GXYLT2: variants seen among roughly 807,000 people sequenced by gnomAD.
The protein encoded by GXYLT2 is glycosyltransferase 8 domain containing 4.
In GXYLT2, 53 loss-of-function variants were observed where a neutral mutation model predicts 45.8. The ratio of observed to expected loss-of-function variants is 1.16; its 90% CI spans 0.93 to 1.46. GXYLT2 has a LOEUF of 1.46. GXYLT2 is among the 40% of genes most tolerant of loss of function. The pLI is 0.00. For missense variants in GXYLT2, 551 were observed against 544.4 expected, an observed-to-expected ratio of 1.01 and a Z score of -0.12; for synonymous variants, 219 against 214.2, an observed-to-expected ratio of 1.02 and a Z score of -0.19.
intron 5 of GXYLT2, among the ~76,000 whole-genome samples, chr3:72,967,179 C>T (rs1198680920): frequency 6.6e-6 from 1 of 152,178 alleles, no homozygotes; most frequent in African/African-American, 2.4e-5. Context: ...TTGTATTATT[C>T]CCATTTACAG....
At chr3:72,938,117 A>C (rs1247639736) in intron 3 of GXYLT2, among the ~76,000 whole-genome samples, 3 of 152,192 alleles carry the variant, frequency 2.0e-5, no homozygotes, top group Admixed American at 6.6e-5. Context: ...AAAAAAAGAA[A>C]AAAATGTAAA....
chr3:72,899,231 G>A (rs562043478), intron 1 of GXYLT2, among the ~76,000 whole-genome samples: 1 of 152,186 alleles, frequency 6.6e-6, no homozygotes, highest in Admixed American at 6.5e-5. Context: ...CCAACTTTAG[G>A]CTCTGAACAC....
chr3:72,897,859 T>C (rs976469221), intron 1 of GXYLT2, among the ~76,000 whole-genome samples: 5 of 152,244 alleles, frequency 3.3e-5, no homozygotes, highest in Admixed American at 2.6e-4. Context: ...TTGAACCATT[T>C]GATAGCTTTC....
chr3:72,911,956 G>GGTGT (rs371032663), intron 2 of GXYLT2, among the ~76,000 whole-genome samples: 2 of 136,402 alleles, frequency 1.5e-5, no homozygotes, highest in South Asian at 2.3e-4. Flanking sequence ...ATATAAGTTG[G>GGTGT]GTGTGTGTGT....
At chr3:72,911,831 A>C (rs1280518618) in intron 2 of GXYLT2, among the ~76,000 whole-genome samples, 1 of 151,626 alleles carries the variant, frequency 6.6e-6, no homozygotes, top group African/African-American at 2.4e-5. Flanking sequence ...GCAGTGACAC[A>C]ATCATAGCTT....
rs1369088813 is a variant in GXYLT2 at position 72,957,281 on chromosome 3, A to T, written c.905A>T (p.Tyr302Phe). ...TGGGAGGACATGTTGTACCCTCTGT[A>T]CCAGAAGTACAAGAATGCCATCACG... Reference protein sequence around the residue: ...LAWEDMLYPLYQKYKNAITWG... With the variant: ...LAWEDMLYPLFQKYKNAITWG... Residue 302 changes from tyrosine to phenylalanine, a missense_variant, in exon 5 of 7, where the codon TAC becomes TTC. By Grantham distance (22) the Tyr-to-Phe change is conservative (BLOSUM62 3). Transcript: ENST00000389617. 6.2e-7 allele frequency: 1 copy of T among 1,613,426 alleles called. No homozygotes were observed. The highest frequency in any genetic ancestry group is 1.1e-5 in the South Asian group (1 of 91,042).
intron 3 of GXYLT2, among the ~76,000 whole-genome samples, chr3:72,930,592 CTTT>C (rs71126806): frequency 7.9e-5 from 8 of 101,608 alleles, no homozygotes; most frequent in South Asian, 7.3e-4. Flanking sequence ...TCTTCTTCTT[CTTT>C]TTTTTTTTTT....
chr3:72,953,684 A>T (rs1710570772), intron 3 of GXYLT2, among the ~76,000 whole-genome samples: 1 of 152,240 alleles, frequency 6.6e-6, no homozygotes, highest in Non-Finnish European at 1.5e-5. Flanking sequence ...GTTGCAACAG[A>T]GCCTGAAATA....
chr3:72,958,952 T>TC (rs1271785294), intron 5 of GXYLT2, among the ~76,000 whole-genome samples: 1 of 149,756 alleles, frequency 6.7e-6, no homozygotes, highest in East Asian at 2.0e-4. Context: ...CTTTTTTTTT[T>TC]TTCTTAATGA....
In GXYLT2 at chr3:72,975,247, T is replaced by C; in HGVS notation, c.*88T>C. On this transcript the variant is annotated 3_prime_UTR_variant, in exon 7 of 7. Coordinates refer to ENST00000389617, the MANE Select transcript of GXYLT2 (RefSeq NM_001080393.2). ...CTGCCTGGGTCTTTTTGTGTGAATA[T>C]TTAATGGTGCTCCATGACTGTTGAG... The C allele has an allele frequency of 2.0e-6, 2 of 993,254 alleles. No homozygotes were observed. The highest frequency in any genetic ancestry group is 3.8e-5 in the South Asian group (2 of 52,040). The allele number at this position is 993,254 out of a possible 1,614,324, so 61.5% of individuals were successfully genotyped here. A position where few individuals can be genotyped will look rare whatever the true frequency, so the allele number is the denominator to read the frequency against.
intron 6 of GXYLT2, among the ~76,000 whole-genome samples, chr3:72,973,107 A>T (rs1347508594): frequency 6.6e-6 from 1 of 152,138 alleles, no homozygotes; most frequent in Non-Finnish European, 1.5e-5. Flanking sequence ...AAAGAAAAAA[A>T]AATCCTCTGA....
At chr3:72,924,571 T>G (rs114892068) in intron 3 of GXYLT2, among the ~76,000 whole-genome samples, 99 of 152,222 alleles carry the variant, frequency 6.5e-4, no homozygotes, top group African/African-American at 2.3e-3. Context: ...ATGTTCTAAC[T>G]TGTGTTTTAG....
chr3:72,910,630 G>A (rs1709598502), intron 2 of GXYLT2, among the ~76,000 whole-genome samples: 1 of 152,174 alleles, frequency 6.6e-6, no homozygotes, highest in African/African-American at 2.4e-5. Context: ...CTTAGGTTTG[G>A]GACGGAAGTA....
chr3:72,897,137 CAT>C (rs1709308520), intron 1 of GXYLT2, among the ~76,000 whole-genome samples: 1 of 152,164 alleles, frequency 6.6e-6, no homozygotes, highest in Non-Finnish European at 1.5e-5. Context: ...GGTAGGAACT[CAT>C]ATTGGATAGG....
At chr3:72,951,210 G>A (rs1379412658) in intron 3 of GXYLT2, among the ~76,000 whole-genome samples, 2 of 151,460 alleles carry the variant, frequency 1.3e-5, no homozygotes, top group Non-Finnish European at 2.9e-5. Flanking sequence ...TTGGTCTTTT[G>A]TTTTTTCAGA....
intron 2 of GXYLT2, among the ~76,000 whole-genome samples, chr3:72,915,355 G>GT (rs1709718305): frequency 8.6e-5 from 2 of 23,128 alleles, no homozygotes; most frequent in African/African-American, 6.4e-4. Context: ...TTTTTTTTTT[G>GT]CGGGGGGGGG....
At chr3:72,899,845 G>A (rs4339053) in intron 1 of GXYLT2, among the ~76,000 whole-genome samples, 44,283 of 151,968 alleles carry the variant, frequency 0.29, 6,868 homozygotes, top group Non-Finnish European at 0.34. Context: ...TAAGGTGAGG[G>A]TATTCAGCTT....
At chr3:72,974,234 G>A (rs116423659) in intron 6 of GXYLT2, among the ~76,000 whole-genome samples, 2,059 of 152,212 alleles carry the variant, frequency 0.014, 55 homozygotes, top group African/African-American at 0.047. Flanking sequence ...GCTCATAGAC[G>A]TATTCCATGA....
chr3:72,957,685 G>A (rs982385045), intron 5 of GXYLT2, among the ~76,000 whole-genome samples: 10 of 152,144 alleles, frequency 6.6e-5, no homozygotes, highest in South Asian at 4.1e-4. Flanking sequence ...TAATCTAGGC[G>A]GGAGACCCTG....
Sources: allele counts gnomAD v4.1 joint callset (sites outside exome capture counted in the v4.1 genomes callset), GRCh38; gene constraint gnomAD v4.1.1; transcripts MANE v1.5; gene names NCBI Gene and HGNC (gene_info 2026-07-23, HGNC 2026-07-21).